The following CREB1 variants were observed in gnomAD, a reference collection of about 807,000 sequenced individuals.
The protein encoded by CREB1 is cAMP responsive element binding protein 1, also known as cyclic AMP-responsive element-binding protein 1.
CREB1 carries 2 observed loss-of-function variants against 42.0 expected under a neutral mutation model. The observed-to-expected ratio is 0.05, with a 90% CI of 0.02 to 0.15. The LOEUF (loss-of-function observed/expected upper bound fraction) is 0.15, where lower values mean the gene tolerates loss of function less well. Among genes scored for constraint, CREB1 ranks in the 10% least tolerant of loss-of-function variants. The pLI is 1.00. For synonymous variants in CREB1, 123 were observed against 139.9 expected, an observed-to-expected ratio of 0.88 and a Z score of 0.85; for missense variants, 199 against 388.9, an observed-to-expected ratio of 0.51 and a Z score of 4.11.
At chr2:207,555,477 A>G (rs1185306730) in intron 1 of CREB1, among the ~76,000 whole-genome samples, 151 bp from the exon 2 acceptor site, 1 of 152,216 alleles carries the variant, frequency 6.6e-6, no homozygotes, top group African/African-American at 2.4e-5. Flanking sequence ...TTTGATGGTA[A>G]TTCAGCTACA....
intron 7 of CREB1, among the ~76,000 whole-genome samples, chr2:207,588,372 G>A (rs1179275302): frequency 6.6e-6 from 1 of 151,962 alleles, no homozygotes; most frequent in African/African-American, 2.4e-5. Flanking sequence ...TCTGTTTCTT[G>A]GATATCTTTC....
In CREB1 at chr2:207,603,770, T is replaced by G. The variant is rs1189639513; in HGVS notation, c.*6712T>G. Among the ~76,000 whole-genome samples, 1 of 152,176 alleles carries G rather than the reference T, an allele frequency of 6.6e-6. No individual in the cohort carries two copies. The highest frequency in any genetic ancestry group is 1.5e-5 in the Non-Finnish European group (1 of 68,034). ...AGACTATATACCTTCTCAGGTCCCC[T>G]TGCAATTCTAAAACTCTGTGATCAT... On this transcript the variant is annotated 3_prime_UTR_variant, in exon 8 of 8. Transcript: ENST00000353267.
chr2:207,545,871 T>G (rs1157515859), intron 1 of CREB1, among the ~76,000 whole-genome samples: 1 of 151,984 alleles, frequency 6.6e-6, no homozygotes, highest in Non-Finnish European at 1.5e-5. Context: ...GTAGCTGGGA[T>G]TACAGGCGTG....
At chr2:207,543,385 C>T (rs2081172067) in intron 1 of CREB1, among the ~76,000 whole-genome samples, 1 of 152,140 alleles carries the variant, frequency 6.6e-6, no homozygotes, top group Admixed American at 6.5e-5. Context: ...TAAACTCTAC[C>T]ATATTTGGGA....
intron 1 of CREB1, among the ~76,000 whole-genome samples, chr2:207,544,051 C>T (rs968858489): frequency 1.3e-5 from 2 of 152,204 alleles, no homozygotes; most frequent in Admixed American, 6.5e-5. Context: ...TCCTGAGTAG[C>T]TGGGACTACA....
chr2:207,576,653 G>A lies in CREB1; in HGVS notation c.689-852G>A, dbSNP rs775619332. 7.0e-6 allele frequency: 9 copies of A among 1,291,050 alleles called. No individual in the cohort carries two copies. The African/African-American group carries it at 1.1e-4, about 15-fold the overall frequency. 80.0% of individuals were successfully genotyped at this position (1,291,050 alleles called of 1,614,324 possible). ...CAGGTACTCAAAAATTGTAAAGCAG[G>A]ATGTCAGTGAATTTGAATTCTGAAC... On this transcript the variant is annotated intron_variant, in intron 6 of 7. Coordinates refer to ENST00000353267, the MANE Select transcript of CREB1 (RefSeq NM_004379.5).
rs1464991919 is a variant in CREB1, at chr2:207,601,452, A to G, written c.*4394A>G. On this transcript the variant is annotated 3_prime_UTR_variant, in exon 8 of 8. Transcript: ENST00000353267. ...TAAAAGAAAAACATCAGGAAATTAGATATGACTAGCCCAGTTAATTAAAAG... is the reference window on the plus strand; with the variant it reads ...TAAAAGAAAAACATCAGGAAATTAGGTATGACTAGCCCAGTTAATTAAAAG... 4 of 191,314 alleles carry G rather than the reference A, an allele frequency of 2.1e-5. No homozygotes were observed. The highest frequency in any genetic ancestry group is 1.9e-4 in the South Asian group (1 of 5,166). The allele number at this position is 191,314 out of a possible 1,614,324, so 11.9% of individuals were successfully genotyped here. A position where few individuals can be genotyped will look rare whatever the true frequency, so the allele number is the denominator to read the frequency against.
intron 7 of CREB1, chr2:207,581,550 C>T: frequency 4.3e-6 from 1 of 235,188 alleles, no homozygotes; most frequent in Admixed American, 5.6e-5. Flanking sequence ...AAAATGTTAA[C>T]ATTCTAAAGT....
chr2:207,579,611 A>G (rs1358639509), intron 7 of CREB1, among the ~76,000 whole-genome samples: 1 of 152,206 alleles, frequency 6.6e-6, no homozygotes, highest in African/African-American at 2.4e-5. Context: ...CTTCAGGGAA[A>G]CTACCCGACT....
Position 207,555,621 on chromosome 2 carries a change from AT to A in CREB1, c.-8-5del, listed in dbSNP as rs1453161306. The stretch of plus-strand genomic sequence containing the variant: ...GGTGCTTGTAACACTCTTCCATATT[AT>A]TATAGGTAACTAAATGACCATGGAA... On this transcript the variant is annotated splice_polypyrimidine_tract_variant and splice_region_variant and intron_variant, in intron 1 of 7. Coordinates refer to ENST00000353267, the MANE Select transcript of CREB1 (RefSeq NM_004379.5). 1.3e-6 allele frequency: 2 copies of A among 1,552,604 alleles called. No individual in the cohort carries two copies. Among genetic ancestry groups the A allele is most frequent in the Non-Finnish European group, 1.8e-6 (2 of 1,125,604 alleles).
rs372171750 is a variant in CREB1, at chr2:207,591,746, T to C, written c.840-5168T>C. Among the ~76,000 whole-genome samples, 79 of 152,278 alleles carry C rather than the reference T, an allele frequency of 5.2e-4. 2 individuals carry two copies. The South Asian group carries it at 0.016, about 30-fold the overall frequency. On this transcript the variant is annotated intron_variant, in intron 7 of 7. Transcript: ENST00000353267. ...CCATTCCCAGCCTCCTTTTGATTAG[T>C]ATTTGCATAATATATATCCTTCTCC...
In CREB1 at chr2:207,577,823, A is replaced by C. The variant is rs2082654636; in HGVS notation, c.839+168A>C. On this transcript the variant is annotated intron_variant, in intron 7 of 7. Coordinates refer to ENST00000353267, the MANE Select transcript of CREB1 (RefSeq NM_004379.5). ...TTTCTTTATTTAATAAGCTGCACTT[A>C]TAAGATAGCTGTATGATTATGGGTC... The C allele has an allele frequency of 4.1e-6, 3 of 729,762 alleles. No homozygotes were observed. The African/African-American group carries it at 5.3e-5, about 13-fold the overall frequency. The allele number at this position is 729,762 out of a possible 1,614,324, so 45.2% of individuals were successfully genotyped here.
chr2:207,555,623 T>C lies in CREB1; in HGVS notation c.-8-5T>C. The C allele has an allele frequency of 6.4e-7, 1 of 1,563,672 alleles. No individual in the cohort carries two copies. Among genetic ancestry groups the C allele is most frequent in the Non-Finnish European group, 8.8e-7 (1 of 1,135,576 alleles). ...TGCTTGTAACACTCTTCCATATTAT[T>C]ATAGGTAACTAAATGACCATGGAAT... On this transcript the variant is annotated splice_region_variant and splice_polypyrimidine_tract_variant and intron_variant, in intron 1 of 7. Coordinates refer to ENST00000353267, the MANE Select transcript of CREB1 (RefSeq NM_004379.5).
rs76632809 is a variant in CREB1 at position 207,550,796 on chromosome 2, G to T, written c.-8-4832G>T. Among the ~76,000 whole-genome samples the T allele has an allele frequency of 1.1e-3, 175 of 152,256 alleles. 1 individual carries two copies. Among genetic ancestry groups the T allele is most frequent in the African/African-American group, 3.9e-3 (161 of 41,536 alleles). On this transcript the variant is annotated intron_variant, in intron 1 of 7. Coordinates refer to ENST00000353267, the MANE Select transcript of CREB1 (RefSeq NM_004379.5). Reference sequence around the variant, plus strand: ...AGGTCTTGAGTAGATGAATTTAAATGCTACTTTATTAGTAAGAGTTAGATG... The same window carrying T: ...AGGTCTTGAGTAGATGAATTTAAATTCTACTTTATTAGTAAGAGTTAGATG...
intron 1 of CREB1, among the ~76,000 whole-genome samples, chr2:207,553,340 A>T (rs949367076): frequency 6.6e-6 from 1 of 152,168 alleles, no homozygotes; most frequent in Non-Finnish European, 1.5e-5. Context: ...AAGTGCTGGG[A>T]TTACAGGCGT....
intron 7 of CREB1, among the ~76,000 whole-genome samples, chr2:207,585,061 G>C (rs73056936): frequency 0.012 from 1,810 of 152,030 alleles, 33 homozygotes; most frequent in African/African-American, 0.041. Flanking sequence ...ACATCATCTA[G>C]GGTGCCTGAG....
intron 6 of CREB1, chr2:207,576,765 A>G: frequency 1.5e-5 from 16 of 1,050,928 alleles, no homozygotes; most frequent in Non-Finnish European, 1.9e-5. Context: ...ATTAATATGA[A>G]TAATTTTATA....
At position 207,599,050 on chromosome 2, in the gene CREB1, G is replaced by A. The variant is rs573737561; in HGVS notation, c.*1992G>A. ...TAACATTTGTAAATGGTATATTTTC[G>A]TTTGTAACAAACCATTGTCTTTTTT... On this transcript the variant is annotated 3_prime_UTR_variant, in exon 8 of 8. Coordinates refer to ENST00000353267, the MANE Select transcript of CREB1 (RefSeq NM_004379.5). The A allele has an allele frequency of 1.4e-4, 25 of 184,618 alleles. No individual in the cohort carries two copies. The South Asian group carries it at 2.3e-3, about 17-fold the overall frequency. 11.4% of individuals were successfully genotyped at this position (184,618 alleles called of 1,614,324 possible). A position where few individuals can be genotyped will look rare whatever the true frequency, so the allele number is the denominator to read the frequency against.
intron 1 of CREB1, among the ~76,000 whole-genome samples, chr2:207,535,466 C>T (rs2080830414): frequency 6.6e-6 from 1 of 151,988 alleles, no homozygotes; most frequent in African/African-American, 2.4e-5. Flanking sequence ...TATTATTACC[C>T]AGTAAGGCTG....
Sources: gnomAD v4.1 joint callset for allele counts (sites outside exome capture counted in the v4.1 genomes callset) on GRCh38, gnomAD v4.1.1 for gene constraint, MANE v1.5 for transcripts, NCBI Gene and HGNC (gene_info 2026-07-23, HGNC 2026-07-21) for gene names.